Variants in SYT1 observed in about 807,000 individuals in gnomAD.
SYT1 encodes synaptotagmin 1, also known as synaptotagmin-1.
A neutral mutation model predicts 44.8 loss-of-function variants in SYT1; 8 were observed. That is an observed-to-expected ratio of 0.18 (90% CI 0.10 to 0.32). SYT1 has a LOEUF of 0.32. Ranked by LOEUF, SYT1 falls within the 10% of genes least tolerant of loss-of-function variation. The pLI, the probability that SYT1 is intolerant of heterozygous loss-of-function variation, is 1.00. For synonymous variants in SYT1, 154 were observed against 188.8 expected (o/e 0.82, Z 1.51); for missense variants, 286 against 509.3 (o/e 0.56, Z 4.22).
chr12:78,952,696 A>T (rs1879027788), intron 1 of SYT1, among the ~76,000 whole-genome samples: 1 of 152,124 alleles, frequency 6.6e-6, no homozygotes. Context: ...TCCACAGGGT[A>T]AAAATAAATG....
chr12:78,940,388 ATTTC>A (rs77472857), intron 1 of SYT1, among the ~76,000 whole-genome samples: 7,213 of 152,128 alleles, frequency 0.047, 209 homozygotes, highest in Admixed American at 0.083. Flanking sequence ...CCATTAACTC[ATTTC>A]TTTAAGTAAT....
chr12:79,404,819 T>C (rs1311518093), intron 9 of SYT1, among the ~76,000 whole-genome samples: 2 of 152,176 alleles, frequency 1.3e-5, no homozygotes, highest in African/African-American at 4.8e-5. Context: ...ATATCAGCTA[T>C]CACGAAAAAG....
intron 3 of SYT1, among the ~76,000 whole-genome samples, chr12:79,180,970 T>C (rs1872504931): frequency 6.6e-6 from 1 of 152,034 alleles, no homozygotes; most frequent in Admixed American, 6.6e-5. Context: ...CGAGAGCTGA[T>C]GGTTTTATAA....
chr12:79,253,033 T>C (rs912604807), intron 4 of SYT1, among the ~76,000 whole-genome samples: 4 of 152,130 alleles, frequency 2.6e-5, no homozygotes, highest in Non-Finnish European at 5.9e-5. Context: ...GCTCTCTCTT[T>C]TATCAGGGAG....
chr12:79,138,321 C>A (rs1869329242), intron 3 of SYT1, among the ~76,000 whole-genome samples: 1 of 152,114 alleles, frequency 6.6e-6, no homozygotes, highest in Admixed American at 6.6e-5. Context: ...CCTCTAGAAA[C>A]TTAAATTCAG....
intron 8 of SYT1, among the ~76,000 whole-genome samples, chr12:79,336,913 G>A (rs968219852): frequency 6.6e-6 from 1 of 152,038 alleles, no homozygotes; most frequent in South Asian, 2.1e-4. Context: ...CTGATTTCAA[G>A]AGATCTTCTG....
At chr12:79,162,901 C>T (rs1259300339) in intron 3 of SYT1, among the ~76,000 whole-genome samples, 1 of 151,930 alleles carries the variant, frequency 6.6e-6, no homozygotes, top group Non-Finnish European at 1.5e-5. Context: ...TGTCTCTTTC[C>T]ACAGCTTCAA....
intron 2 of SYT1, among the ~76,000 whole-genome samples, chr12:78,981,909 G>T (rs1869291875): frequency 6.6e-6 from 1 of 152,056 alleles, no homozygotes; most frequent in Admixed American, 6.6e-5. Flanking sequence ...TTGGATAGTT[G>T]AAGGGAACAG....
intron 8 of SYT1, among the ~76,000 whole-genome samples, chr12:79,335,509 C>T (rs1284265047): frequency 6.6e-6 from 1 of 151,956 alleles, no homozygotes; most frequent in Non-Finnish European, 1.5e-5. Flanking sequence ...TCTCCAGGCA[C>T]CTTTATCTTG....
chr12:79,091,579 C>A (rs980476409), intron 3 of SYT1, among the ~76,000 whole-genome samples: 3 of 151,830 alleles, frequency 2.0e-5, no homozygotes, highest in African/African-American at 7.3e-5. Flanking sequence ...CTTCAGCTTT[C>A]AGGGCTTCAA....
intron 9 of SYT1, among the ~76,000 whole-genome samples, chr12:79,384,065 G>A (rs1276623654): frequency 2.0e-5 from 3 of 152,196 alleles, no homozygotes; most frequent in East Asian, 3.9e-4. Context: ...AGGTGATCAC[G>A]TTAATCTGGA....
chr12:79,175,301 G>GT (rs1310002899), intron 3 of SYT1, among the ~76,000 whole-genome samples: 1 of 152,012 alleles, frequency 6.6e-6, no homozygotes, highest in Non-Finnish European at 1.5e-5. Flanking sequence ...GGTGCTATGG[G>GT]TTTTTTCCTT....
At chr12:79,206,013 T>C (rs1317470324) in intron 3 of SYT1, among the ~76,000 whole-genome samples, 1 of 152,216 alleles carries the variant, frequency 6.6e-6, no homozygotes, top group East Asian at 1.9e-4. Flanking sequence ...TTATTTTATA[T>C]AGCACTAAGG....
chr12:79,103,848 TG>T (rs1878566520), intron 3 of SYT1, among the ~76,000 whole-genome samples: 1 of 152,108 alleles, frequency 6.6e-6, no homozygotes. Flanking sequence ...TGCCAGAGGA[TG>T]GGGCTCTCTT....
intron 9 of SYT1, among the ~76,000 whole-genome samples, chr12:79,408,684 C>T (rs548527667): frequency 7.9e-5 from 12 of 151,238 alleles, no homozygotes; most frequent in South Asian, 6.3e-4. Context: ...TTTGTCCTGG[C>T]GCCTCCAAAT....
At chr12:78,995,133 G>T (rs1410720966) in intron 2 of SYT1, among the ~76,000 whole-genome samples, 1 of 152,142 alleles carries the variant, frequency 6.6e-6, no homozygotes, top group Non-Finnish European at 1.5e-5. Flanking sequence ...TGGGCATTAG[G>T]ATTTTTTTAA....
chr12:79,293,440 C>A (rs1335341953), intron 6 of SYT1, among the ~76,000 whole-genome samples: 1 of 151,020 alleles, frequency 6.6e-6, no homozygotes, highest in Non-Finnish European at 1.5e-5. Flanking sequence ...AGCCCTTCTC[C>A]AAGTAGGAAA....
chr12:78,962,244 T>G (rs1356137484), intron 1 of SYT1, among the ~76,000 whole-genome samples: 1 of 151,896 alleles, frequency 6.6e-6, no homozygotes, highest in Non-Finnish European at 1.5e-5. Flanking sequence ...CTATCTAATA[T>G]GATTGTTACA....
At chr12:79,098,612 G>GA (rs1020500467) in intron 3 of SYT1, among the ~76,000 whole-genome samples, 75 of 152,154 alleles carry the variant, frequency 4.9e-4, no homozygotes, top group African/African-American at 1.7e-3. Flanking sequence ...TATTCACTAA[G>GA]AAAAAAACAT....
Sources: allele counts gnomAD v4.1 joint callset (sites outside exome capture counted in the v4.1 genomes callset), GRCh38; gene constraint gnomAD v4.1.1; transcripts MANE v1.5; gene names NCBI Gene and HGNC (gene_info 2026-07-23, HGNC 2026-07-21).